The following C2CD2 variants were observed in gnomAD, a reference collection of about 807,000 sequenced individuals.
C2CD2 encodes the protein C2 domain-containing protein 2.
Under a neutral mutation model 74.3 loss-of-function variants are expected in C2CD2, and 43 were observed. The observed-to-expected ratio is 0.58, with a 90% confidence interval of 0.45 to 0.75. The LOEUF (loss-of-function observed/expected upper bound fraction) is 0.75. Among genes scored for constraint, C2CD2 ranks in the 30% least tolerant of loss-of-function variants. The probability of loss-of-function intolerance (pLI) is 0.00; values close to 1 mark genes in which losing one functional copy is unlikely to be tolerated. For missense variants in C2CD2, 801 were observed against 916.3 expected, an observed-to-expected ratio of 0.87 and a Z score of 1.63; for synonymous variants, 422 against 390.7, an observed-to-expected ratio of 1.08 and a Z score of -0.94.
At chr21:41,909,635 AC>A (rs2065003718) in intron 7 of C2CD2, 112 bp from the exon 8 acceptor site, 2 of 795,924 alleles carry the variant, frequency 2.5e-6, no homozygotes, top group South Asian at 2.8e-5. Flanking sequence ...TCAATATTTA[AC>A]AAACTACCAA....
rs1025653169 is a variant in C2CD2 at position 41,885,270 on chromosome 21, C to G, written c.*3854G>C. 6.6e-6 allele frequency: 1 copy of G among 152,228 alleles called. No individual in the cohort carries two copies. The highest frequency in any genetic ancestry group is 1.5e-5 in the Non-Finnish European group (1 of 68,050). 9.4% of individuals were successfully genotyped at this position (152,228 alleles called of 1,614,324 possible). ...GAATACAATCATTGTCACGTAAGTT[C>G]ATCACCGCACTCCAGCGTCAGGCCA... On this transcript the variant is annotated 3_prime_UTR_variant, in exon 14 of 14. Transcript: ENST00000380486.
At chr21:41,942,955 C>T in intron 1 of C2CD2, 1 of 984,920 alleles carries the variant, frequency 1.0e-6, no homozygotes, top group Non-Finnish European at 1.2e-6. Context: ...CCCCCAGCAT[C>T]CTTCCAGGAA....
Position 41,924,556 on chromosome 21 carries a change from T to TA in C2CD2, c.379-2472dup, listed in dbSNP as rs1337103581. On this transcript the variant is annotated intron_variant, in intron 2 of 13. Coordinates refer to ENST00000380486, the MANE Select transcript of C2CD2 (RefSeq NM_015500.2). The surrounding 1 kb of genome is among the most constrained non-coding windows in gnomAD (Gnocchi z 4.4). ...TATAAGAAATGTTGTCTATTCATGTTAAAAATAAATGATCTATAAACAGTC... is the reference window on the plus strand; with the variant it reads ...TATAAGAAATGTTGTCTATTCATGTTAAAAAATAAATGATCTATAAACAGTC... Among the ~76,000 whole-genome samples the TA allele has an allele frequency of 6.6e-6, 1 of 152,164 alleles. No individual in the cohort carries two copies. The highest frequency in any genetic ancestry group is 1.5e-5 in the Non-Finnish European group (1 of 68,022).
chr21:41,946,596 C>T (rs1263233594), intron 1 of C2CD2, among the ~76,000 whole-genome samples: 5 of 152,204 alleles, frequency 3.3e-5, no homozygotes, highest in South Asian at 2.1e-4. Context: ...GACAGCAGAA[C>T]CATCAGCCAA....
Position 41,887,725 on chromosome 21 carries a change from A to G in C2CD2, c.*1399T>C, listed in dbSNP as rs1354668809. On this transcript the variant is annotated 3_prime_UTR_variant, in exon 14 of 14. Coordinates refer to ENST00000380486, the MANE Select transcript of C2CD2 (RefSeq NM_015500.2). ...TTACCCCCGAAATATTTAATGTTTA[A>G]GGATTAACAAGAGGCTACGGAAGGA... 1 of 152,206 alleles carries G rather than the reference A, an allele frequency of 6.6e-6. No homozygotes were observed. The highest frequency in any genetic ancestry group is 2.4e-5 in the African/African-American group (1 of 41,418). The allele number at this position is 152,206 out of a possible 1,614,324, so 9.4% of individuals were successfully genotyped here.
rs2064871956 is a variant in C2CD2, at chr21:41,899,844, A to T, written c.1561-482T>A. ...ATATTTTGTGTAAAAATATTTAAGCACTAAATGAACCTCTGAGAGTCGGGA... is the reference window on the plus strand; with the variant it reads ...ATATTTTGTGTAAAAATATTTAAGCTCTAAATGAACCTCTGAGAGTCGGGA... On this transcript the variant is annotated intron_variant, in intron 12 of 13. Transcript: ENST00000380486. This position sits in a 1 kb window ranked among gnomAD's most constrained non-coding sequence, Gnocchi z 4.4. Among the ~76,000 whole-genome samples, 1 of 151,514 alleles carries T rather than the reference A, an allele frequency of 6.6e-6. No individual in the cohort carries two copies. Among genetic ancestry groups the T allele is most frequent in the Non-Finnish European group, 1.5e-5 (1 of 67,952 alleles).
At chr21:41,900,228 T>C (rs1040905457) in intron 12 of C2CD2, among the ~76,000 whole-genome samples, 2 of 152,050 alleles carry the variant, frequency 1.3e-5, no homozygotes, top group Non-Finnish European at 2.9e-5. Flanking sequence ...GAGCCGAGAT[T>C]ACGCCACTGC....
Position 41,903,782 on chromosome 21 carries a change from G to A in C2CD2, c.1432+1942C>T, listed in dbSNP as rs140644283. On this transcript the variant is annotated intron_variant, in intron 11 of 13. Coordinates refer to ENST00000380486, the MANE Select transcript of C2CD2 (RefSeq NM_015500.2). This position sits in a 1 kb window ranked among gnomAD's most constrained non-coding sequence, Gnocchi z 4.5. ...ACCGTGGCAGGTGAGCCTGGGGGCC[G>A]GCTCCATGGACCATGCATCAGAACC... Among the ~76,000 whole-genome samples, 957 of 152,144 alleles carry A rather than the reference G, an allele frequency of 6.3e-3. 9 individuals are homozygous for A. The highest frequency in any genetic ancestry group is 0.021 in the African/African-American group (890 of 41,512).
chr21:41,952,046 A>G (rs897064263), intron 1 of C2CD2, among the ~76,000 whole-genome samples: 3 of 152,128 alleles, frequency 2.0e-5, no homozygotes, highest in African/African-American at 7.2e-5. Flanking sequence ...CTGGGGAAAT[A>G]CCTGCATTTG....
chr21:41,944,177 T>C (rs2065378501), intron 1 of C2CD2, among the ~76,000 whole-genome samples: 2 of 152,160 alleles, frequency 1.3e-5, no homozygotes, highest in Admixed American at 1.3e-4. Flanking sequence ...GCAGATGCAG[T>C]GTTTACCCTC....
intron 13 of C2CD2, among the ~76,000 whole-genome samples, chr21:41,893,456 A>T (rs2064780990): frequency 6.6e-6 from 1 of 152,206 alleles, no homozygotes; most frequent in African/African-American, 2.4e-5. Flanking sequence ...TGCAGCCTGC[A>T]TGTAAAAAGA....
rs2065216531 is a variant in C2CD2 at position 41,926,630 on chromosome 21, T to C, written c.379-4545A>G. 1 of 984,854 alleles carries C rather than the reference T, an allele frequency of 1.0e-6. No individual in the cohort carries two copies. 61.0% of individuals were successfully genotyped at this position (984,854 alleles called of 1,614,324 possible). A position where few individuals can be genotyped will look rare whatever the true frequency, so the allele number is the denominator to read the frequency against. On this transcript the variant is annotated intron_variant, in intron 2 of 13. Transcript: ENST00000380486. This position sits in a 1 kb window ranked among gnomAD's most constrained non-coding sequence, Gnocchi z 8.0. ...TTTGTTTAGACTTGGGGCCAAAAAA[T>C]TCCAGGCACAGTTACTCCAGATTTT...
At chr21:41,891,588 G>A (rs537656892) in intron 13 of C2CD2, among the ~76,000 whole-genome samples, 31 of 152,266 alleles carry the variant, frequency 2.0e-4, no homozygotes, top group African/African-American at 7.5e-4. Flanking sequence ...GGGGGATGAG[G>A]GGGACCTCAG....
At chr21:41,921,199 C>G (rs992545828) in intron 3 of C2CD2, among the ~76,000 whole-genome samples, 5 of 152,222 alleles carry the variant, frequency 3.3e-5, no homozygotes, top group African/African-American at 1.2e-4. Flanking sequence ...GAGCTCATCC[C>G]CCAAATTAGG....
intron 12 of C2CD2, among the ~76,000 whole-genome samples, chr21:41,900,453 A>G (rs577048215): frequency 6.6e-6 from 1 of 152,262 alleles, no homozygotes; most frequent in South Asian, 2.1e-4. Flanking sequence ...TTGCTCATTC[A>G]TTCACCCAAG....
At chr21:41,948,301 G>T (rs933910029) in intron 1 of C2CD2, among the ~76,000 whole-genome samples, 3 of 148,812 alleles carry the variant, frequency 2.0e-5, no homozygotes, top group African/African-American at 7.3e-5. Context: ...GCTGGGCACT[G>T]GGTCTGGCTC....
chr21:41,946,178 GA>G (rs1287419554), intron 1 of C2CD2, among the ~76,000 whole-genome samples: 2 of 152,166 alleles, frequency 1.3e-5, no homozygotes, highest in Non-Finnish European at 2.9e-5. Flanking sequence ...CAATGGTTGC[GA>G]AATCAGTGAG....
intron 1 of C2CD2, among the ~76,000 whole-genome samples, chr21:41,947,581 T>C (rs1242828110): frequency 6.6e-6 from 1 of 152,230 alleles, no homozygotes; most frequent in Non-Finnish European, 1.5e-5. Context: ...GTGAGGAATA[T>C]ATGAAAGTTG....
intron 6 of C2CD2, among the ~76,000 whole-genome samples, chr21:41,913,859 T>C (rs2839420): frequency 0.26 from 39,182 of 152,000 alleles, 5,336 homozygotes; most frequent in African/African-American, 0.34. Flanking sequence ...TTGCTTGTCT[T>C]GGCTCCAACA....
Sources: gnomAD v4.1 joint callset for allele counts (sites outside exome capture counted in the v4.1 genomes callset) on GRCh38, gnomAD v4.1.1 for gene constraint, Gnocchi (gnomAD v3.1) non-coding constraint, MANE v1.5 for transcripts, NCBI Gene and HGNC (gene_info 2026-07-23, HGNC 2026-07-21) for gene names.